CNTN5: variants seen among roughly 807,000 people sequenced by gnomAD.
CNTN5 encodes contactin 5.
A neutral mutation model predicts 129.1 loss-of-function variants in CNTN5; 77 were observed. The ratio of observed to expected loss-of-function variants is 0.60; its 90% CI spans 0.50 to 0.72. The LOEUF (loss-of-function observed/expected upper bound fraction) is 0.72, where lower values mean the gene tolerates loss of function less well. CNTN5 is among the 30% of genes least tolerant of loss of function. The probability of loss-of-function intolerance (pLI) is 0.00; values close to 1 mark genes in which losing one functional copy is unlikely to be tolerated. For synonymous variants in CNTN5, 509 were observed against 465.6 expected (o/e 1.09, Z -1.20); for missense variants, 1,478 against 1,328.8 (o/e 1.11, Z -1.75).
chr11:99,096,918 G>A (rs1355561453), intron 1 of CNTN5, among the ~76,000 whole-genome samples: 5 of 151,798 alleles, frequency 3.3e-5, no homozygotes, highest in African/African-American at 1.2e-4. Flanking sequence ...CAAAAGCATT[G>A]TAGTTCTCAA....
intron 1 of CNTN5, among the ~76,000 whole-genome samples, chr11:99,106,328 A>G (rs948045236): frequency 6.6e-6 from 1 of 152,116 alleles, no homozygotes; most frequent in Non-Finnish European, 1.5e-5. Flanking sequence ...ATATACTCAA[A>G]CATATGCTTA....
intron 8 of CNTN5, among the ~76,000 whole-genome samples, chr11:99,962,302 TC>T (rs1950970095): frequency 8.5e-6 from 1 of 117,684 alleles, no homozygotes; most frequent in African/African-American, 3.0e-5. Flanking sequence ...ATGCTATCCC[TC>T]CCCCTCCCCC....
intron 18 of CNTN5, among the ~76,000 whole-genome samples, chr11:100,296,143 T>C (rs1951095239): frequency 6.6e-6 from 1 of 151,484 alleles, no homozygotes; most frequent in Non-Finnish European, 1.5e-5. Context: ...TTGTGTGTCT[T>C]ACCCGTAACA....
At chr11:99,432,903 A>G (rs1943446381) in intron 2 of CNTN5, among the ~76,000 whole-genome samples, 1 of 151,824 alleles carries the variant, frequency 6.6e-6, no homozygotes, top group South Asian at 2.1e-4. Flanking sequence ...ACCACATTGA[A>G]ACTGATACCA....
chr11:99,151,716 T>C (rs1860066196), intron 1 of CNTN5, among the ~76,000 whole-genome samples: 1 of 152,180 alleles, frequency 6.6e-6, no homozygotes, highest in Non-Finnish European at 1.5e-5. Context: ...TGGAATACTA[T>C]GCAGCCATAA....
At chr11:99,522,036 G>A (rs1267353643) in intron 2 of CNTN5, among the ~76,000 whole-genome samples, 1 of 152,106 alleles carries the variant, frequency 6.6e-6, no homozygotes, top group Non-Finnish European at 1.5e-5. Context: ...CATCTTCTAT[G>A]AGAATGTCAA....
intron 4 of CNTN5, among the ~76,000 whole-genome samples, chr11:99,822,227 A>G (rs371346697): frequency 1.3e-5 from 2 of 152,188 alleles, no homozygotes; most frequent in Admixed American, 1.3e-4. Flanking sequence ...CTCAGCTTAC[A>G]GAGCAATTTG....
intron 2 of CNTN5, among the ~76,000 whole-genome samples, chr11:99,331,898 C>T (rs542732140): frequency 2.0e-5 from 3 of 152,152 alleles, no homozygotes; most frequent in African/African-American, 7.2e-5. Context: ...ATGCATATTT[C>T]CATGAGCCAT....
At chr11:100,237,821 T>C (rs1328577684) in intron 16 of CNTN5, among the ~76,000 whole-genome samples, 2 of 152,222 alleles carry the variant, frequency 1.3e-5, no homozygotes, top group African/African-American at 2.4e-5. Flanking sequence ...GAACATTACA[T>C]GTAAAGATTG....
intron 2 of CNTN5, among the ~76,000 whole-genome samples, chr11:99,528,892 C>T (rs1031167696): frequency 8.2e-6 from 1 of 122,110 alleles, no homozygotes; most frequent in African/African-American, 2.7e-5. Context: ...GGAGAAACCC[C>T]GTTTCTACTA....
In CNTN5 at chr11:99,502,416, G is replaced by T. The variant is rs141613961; in HGVS notation, c.-70-53729G>T. Among the ~76,000 whole-genome samples the T allele has an allele frequency of 1.4e-3, 211 of 152,222 alleles. 7 individuals are homozygous for T. In the East Asian group the frequency reaches 0.037, roughly 27 times the overall value. On this transcript the variant is annotated intron_variant, in intron 2 of 24. Coordinates refer to ENST00000524871, the MANE Select transcript of CNTN5 (RefSeq NM_014361.4). ...AGATGGAGGTAATTGAATCACGGGG[G>T]TTGGGGGGGTGGTTTCCTCCACGCT...
chr11:99,949,811 G>A (rs189149672), intron 7 of CNTN5, among the ~76,000 whole-genome samples: 1 of 152,242 alleles, frequency 6.6e-6, no homozygotes, highest in East Asian at 1.9e-4. Flanking sequence ...CTAGAACTTG[G>A]AATTCACTAG....
At chr11:100,284,896 A>G (rs1292404577) in intron 18 of CNTN5, among the ~76,000 whole-genome samples, 1 of 152,226 alleles carries the variant, frequency 6.6e-6, no homozygotes, top group Non-Finnish European at 1.5e-5. Context: ...TTGCACCTAT[A>G]ATGAAAGGTT....
chr11:100,115,469 G>T (rs1383836409), intron 13 of CNTN5, among the ~76,000 whole-genome samples: 1 of 152,048 alleles, frequency 6.6e-6, no homozygotes. Context: ...AGAGAGAACT[G>T]TCCTGGGGGA....
intron 9 of CNTN5, among the ~76,000 whole-genome samples, chr11:100,038,976 T>A (rs1314856496): frequency 1.3e-5 from 2 of 152,126 alleles, no homozygotes; most frequent in African/African-American, 4.8e-5. Flanking sequence ...ACATTTAAGG[T>A]TAATATTGTT....
chr11:99,061,656 A>G lies in CNTN5; in HGVS notation c.-210+40386A>G, dbSNP rs1864884541. Among the ~76,000 whole-genome samples, 5 of 152,244 alleles carry G rather than the reference A, an allele frequency of 3.3e-5. No individual in the cohort carries two copies. In the South Asian group the frequency reaches 1.0e-3, roughly 32 times the overall value. Reference sequence around the variant, plus strand: ...AGATGGTATAGACTTCGATGTGAGGACAATTTTCAGTTGGATTTGACTTAG... The same window carrying G: ...AGATGGTATAGACTTCGATGTGAGGGCAATTTTCAGTTGGATTTGACTTAG... On this transcript the variant is annotated intron_variant, in intron 1 of 24. Coordinates refer to ENST00000524871, the MANE Select transcript of CNTN5 (RefSeq NM_014361.4).
rs997369626 is a variant in CNTN5 at position 99,540,909 on chromosome 11, C to T, written c.-70-15236C>T. 3.9e-4 allele frequency among the ~76,000 whole-genome samples: 60 copies of T among 152,216 alleles called. 2 individuals carry two copies. The highest frequency in any genetic ancestry group is 1.3e-3 in the African/African-American group (55 of 41,562). ...AATTTAGAAGTATCTTGATAAACATCCAAAGCAGTCTGAAATGTATTCTGT... is the reference window on the plus strand; with the variant it reads ...AATTTAGAAGTATCTTGATAAACATTCAAAGCAGTCTGAAATGTATTCTGT... On this transcript the variant is annotated intron_variant, in intron 2 of 24. Transcript: ENST00000524871.
chr11:99,527,184 A>T (rs1947519543), intron 2 of CNTN5, among the ~76,000 whole-genome samples: 1 of 152,176 alleles, frequency 6.6e-6, no homozygotes, highest in Non-Finnish European at 1.5e-5. Flanking sequence ...TTAGCTATTG[A>T]TTGTGCTTTA....
At chr11:100,355,675 A>C (rs1454106516) in intron 24 of CNTN5, among the ~76,000 whole-genome samples, 4 of 151,672 alleles carry the variant, frequency 2.6e-5, no homozygotes, top group Non-Finnish European at 5.9e-5. Context: ...GTTCCATAAT[A>C]ATCTCAGGGG....
Sources: allele counts gnomAD v4.1 joint callset (sites outside exome capture counted in the v4.1 genomes callset), GRCh38; gene constraint gnomAD v4.1.1; transcripts MANE v1.5; gene names NCBI Gene and HGNC (gene_info 2026-07-23, HGNC 2026-07-21).